Variants in SLC35F4 observed in about 807,000 individuals in gnomAD.
The protein encoded by SLC35F4 is chromosome 14 open reading frame 36.
In SLC35F4, 24 loss-of-function variants were observed where a neutral mutation model predicts 44.2. The observed-to-expected ratio is 0.54, with a 90% CI of 0.39 to 0.76. The LOEUF (loss-of-function observed/expected upper bound fraction) is 0.76. SLC35F4 is among the 30% of genes least tolerant of loss of function. SLC35F4 has a pLI of 0.00. For synonymous variants in SLC35F4, 238 were observed against 223.6 expected (o/e 1.06, Z -0.57); for missense variants, 562 against 586.1 (o/e 0.96, Z 0.42).
chr14:57,833,879 C>T (rs1338049331), intron 1 of SLC35F4, among the ~76,000 whole-genome samples: 14 of 152,066 alleles, frequency 9.2e-5, no homozygotes, highest in Non-Finnish European at 2.1e-4. Context: ...TTTAAATGCA[C>T]GTTAACAAGA....
At chr14:57,667,202 G>A (rs1291321177) in intron 1 of SLC35F4, among the ~76,000 whole-genome samples, 1 of 150,162 alleles carries the variant, frequency 6.7e-6, no homozygotes, top group Non-Finnish European at 1.5e-5. Context: ...GGGGGAGGGA[G>A]GGAAGGGGAG....
intron 1 of SLC35F4, among the ~76,000 whole-genome samples, chr14:57,769,160 T>C (rs559394254): frequency 1.3e-5 from 2 of 152,200 alleles, no homozygotes; most frequent in Non-Finnish European, 2.9e-5. Flanking sequence ...CTAAGAACAA[T>C]GCACAGCTTT....
chr14:57,876,486 A>G (rs1158600591), intron 1 of SLC35F4, among the ~76,000 whole-genome samples: 4 of 152,220 alleles, frequency 2.6e-5, no homozygotes, highest in African/African-American at 7.2e-5. Flanking sequence ...CTAGCCCAAT[A>G]TAACCACATT....
Position 57,569,843 on chromosome 14 carries a change from G to A in SLC35F4, c.1071C>T (p.Ser357=), listed in dbSNP as rs1566624765. 1.2e-6 allele frequency: 2 copies of A among 1,611,120 alleles called. No individual in the cohort carries two copies. The highest frequency in any genetic ancestry group is 4.5e-5 in the East Asian group (2 of 44,710). The change falls in exon 6 of 8, where the codon TCC becomes TCT. Residue 357 remains serine (S), a synonymous_variant. Transcript: ENST00000556826. ...ILYFTKVEHW[S]SFAALPWGCL... Reference sequence around the variant, plus strand: ...AGCCCCATGGCAGAGCAGCAAAAGAGGACCAGTGCTCCACCTTGGTGAAAT... The same window carrying A: ...AGCCCCATGGCAGAGCAGCAAAAGAAGACCAGTGCTCCACCTTGGTGAAAT...
chr14:57,817,691 T>C (rs1338554296), intron 1 of SLC35F4, among the ~76,000 whole-genome samples: 1 of 152,038 alleles, frequency 6.6e-6, no homozygotes, highest in African/African-American at 2.4e-5. Flanking sequence ...TGATGTGCTA[T>C]GATTTGAGAG....
At chr14:57,576,068 A>G (rs536098536) in intron 4 of SLC35F4, among the ~76,000 whole-genome samples, 1 of 150,938 alleles carries the variant, frequency 6.6e-6, no homozygotes, top group African/African-American at 2.4e-5. Flanking sequence ...GTGCATCTCC[A>G]TGAGGGTTTA....
chr14:57,655,989 T>C (rs907529313), intron 1 of SLC35F4, among the ~76,000 whole-genome samples: 1 of 152,098 alleles, frequency 6.6e-6, no homozygotes, highest in Non-Finnish European at 1.5e-5. Context: ...GGAAGAGACA[T>C]TGCTCTCTGC....
Position 57,746,639 on chromosome 14 carries a change from A to C in SLC35F4, c.103+119084T>G, listed in dbSNP as rs527556798. Among the ~76,000 whole-genome samples the C allele has an allele frequency of 1.3e-4, 20 of 152,234 alleles. No individual in the cohort carries two copies. In the South Asian group the frequency reaches 4.1e-3, roughly 32 times the overall value. On this transcript the variant is annotated intron_variant, in intron 1 of 7. Coordinates refer to ENST00000556826, the MANE Select transcript of SLC35F4 (RefSeq NM_001306087.2). ...CATATCTTTGTTAAAAAAAGTTTTTAAAAATAAAAAAGTGCAAAAAAATGA... is the reference window on the plus strand; with the variant it reads ...CATATCTTTGTTAAAAAAAGTTTTTCAAAATAAAAAAGTGCAAAAAAATGA...
At chr14:57,894,746 C>T (rs1032070180) in intron 1 of SLC35F4, among the ~76,000 whole-genome samples, 1 of 151,800 alleles carries the variant, frequency 6.6e-6, no homozygotes, top group Non-Finnish European at 1.5e-5. Context: ...ACAAATAAAA[C>T]CAATCAATAG....
At chr14:57,579,087 CTG>C (rs1455151285) in intron 4 of SLC35F4, 1 of 152,226 alleles carries the variant, frequency 6.6e-6, no homozygotes, top group African/African-American at 2.4e-5. Flanking sequence ...ACCTCCTCTT[CTG>C]TGTGTGTCTC....
At chr14:57,832,021 A>G (rs1595165630) in intron 1 of SLC35F4, among the ~76,000 whole-genome samples, 1 of 152,244 alleles carries the variant, frequency 6.6e-6, no homozygotes, top group Non-Finnish European at 1.5e-5. Flanking sequence ...CAAATGACTC[A>G]GGAGTCCCAC....
At chr14:57,821,901 C>A (rs1883212871) in intron 1 of SLC35F4, among the ~76,000 whole-genome samples, 1 of 152,134 alleles carries the variant, frequency 6.6e-6, no homozygotes. Context: ...GGAGCAGGGC[C>A]AGGAATAGGG....
At chr14:57,691,874 C>G (rs2075243475) in intron 1 of SLC35F4, among the ~76,000 whole-genome samples, 1 of 152,074 alleles carries the variant, frequency 6.6e-6, no homozygotes, top group Non-Finnish European at 1.5e-5. Context: ...CAAAGGAGGT[C>G]TCAGTGAGAT....
At chr14:57,680,310 A>G (rs760777561) in intron 1 of SLC35F4, among the ~76,000 whole-genome samples, 2 of 152,148 alleles carry the variant, frequency 1.3e-5, no homozygotes, top group Non-Finnish European at 2.9e-5. Flanking sequence ...AAGGCTTTTG[A>G]CAAAATTCAA....
At chr14:57,651,906 T>C (rs2073799052) in intron 1 of SLC35F4, among the ~76,000 whole-genome samples, 1 of 152,188 alleles carries the variant, frequency 6.6e-6, no homozygotes, top group Non-Finnish European at 1.5e-5. Context: ...CTGCTCAATA[T>C]GACTCCACAG....
At chr14:57,852,927 G>A (rs1323236625) in intron 1 of SLC35F4, among the ~76,000 whole-genome samples, 1 of 152,196 alleles carries the variant, frequency 6.6e-6, no homozygotes, top group Non-Finnish European at 1.5e-5. Context: ...TCAGTACCAT[G>A]AAACCATTAC....
intron 1 of SLC35F4, among the ~76,000 whole-genome samples, chr14:57,664,260 T>C (rs2074234435): frequency 6.6e-6 from 1 of 152,122 alleles, no homozygotes; most frequent in South Asian, 2.1e-4. Flanking sequence ...AGAATGACTG[T>C]GCCCAAACTA....
At chr14:57,605,961 A>T (rs2071139138) in intron 1 of SLC35F4, among the ~76,000 whole-genome samples, 2 of 152,236 alleles carry the variant, frequency 1.3e-5, no homozygotes, top group South Asian at 4.1e-4. Flanking sequence ...GGAAGACAAG[A>T]GGGGGAAGGA....
At chr14:57,748,463 A>C (rs1445927045) in intron 1 of SLC35F4, among the ~76,000 whole-genome samples, 1 of 152,126 alleles carries the variant, frequency 6.6e-6, no homozygotes, top group Non-Finnish European at 1.5e-5. Context: ...AACCACCTGC[A>C]TCAGAATCAT....
Sources: gnomAD v4.1 joint callset for allele counts (sites outside exome capture counted in the v4.1 genomes callset) on GRCh38, gnomAD v4.1.1 for gene constraint, MANE v1.5 for transcripts, NCBI Gene and HGNC (gene_info 2026-07-23, HGNC 2026-07-21) for gene names.